Variants in MTHFD1L observed in about 807,000 individuals in gnomAD.
The protein encoded by MTHFD1L is monofunctional C1-tetrahydrofolate synthase, mitochondrial.
MTHFD1L carries 81 observed loss-of-function variants against 119.5 expected under a neutral mutation model. That is an observed-to-expected ratio of 0.68 (90% CI 0.57 to 0.82). The LOEUF (loss-of-function observed/expected upper bound fraction) is 0.82. Among genes scored for constraint, MTHFD1L ranks in the 40% least tolerant of loss-of-function variants. The probability of loss-of-function intolerance (pLI) is 0.00; values close to 1 mark genes in which losing one functional copy is unlikely to be tolerated. For missense variants in MTHFD1L, 1,125 were observed against 1,253.4 expected (o/e 0.90, Z 1.55); for synonymous variants, 430 against 475.2 (o/e 0.90, Z 1.24).
intron 21 of MTHFD1L, among the ~76,000 whole-genome samples, chr6:151,013,319 G>A (rs763777974): frequency 9.9e-5 from 15 of 152,192 alleles, no homozygotes; most frequent in South Asian, 4.1e-4. Flanking sequence ...GTTTGAGACC[G>A]CAGTGAGCTG....
chr6:150,941,156 C>T (rs904473191), intron 13 of MTHFD1L, among the ~76,000 whole-genome samples: 16 of 152,166 alleles, frequency 1.1e-4, no homozygotes, highest in Admixed American at 5.9e-4. Context: ...GGGAAGGAGC[C>T]GGCCTTGTGA....
At chr6:151,025,989 T>C (rs1784565282) in intron 24 of MTHFD1L, among the ~76,000 whole-genome samples, 1 of 152,234 alleles carries the variant, frequency 6.6e-6, no homozygotes, top group Admixed American at 6.5e-5. Flanking sequence ...ACAGTTCATT[T>C]TTAAACTTTT....
intron 24 of MTHFD1L, among the ~76,000 whole-genome samples, chr6:151,022,745 TCTC>T (rs1456490560): frequency 6.6e-5 from 10 of 152,126 alleles, no homozygotes; most frequent in African/African-American, 2.4e-4. Flanking sequence ...CGCTCCCTCT[TCTC>T]CTGTTGTGCA....
chr6:151,071,283 A>G (rs1479846343), intron 26 of MTHFD1L, among the ~76,000 whole-genome samples: 1 of 152,156 alleles, frequency 6.6e-6, no homozygotes, highest in Admixed American at 6.6e-5. Flanking sequence ...CACCCTAATA[A>G]GCCGGGAGAT....
intron 11 of MTHFD1L, chr6:150,935,416 G>C: frequency 6.2e-7 from 1 of 1,613,896 alleles, no homozygotes; most frequent in Non-Finnish European, 8.5e-7. Context: ...TTGAGAAATT[G>C]TTAGCAATGG....
chr6:150,982,335 A>G (rs1777629616), intron 20 of MTHFD1L, among the ~76,000 whole-genome samples: 1 of 152,160 alleles, frequency 6.6e-6, no homozygotes, highest in Non-Finnish European at 1.5e-5. Context: ...TTTGTGCAAC[A>G]TAACAGTTTT....
In MTHFD1L at chr6:151,039,809, G is replaced by A. The variant is rs569418608; in HGVS notation, c.2847+2692G>A. 6.6e-6 allele frequency among the ~76,000 whole-genome samples: 1 copy of A among 152,250 alleles called. No homozygotes were observed. The highest frequency in any genetic ancestry group is 1.9e-4 in the East Asian group (1 of 5,166). Reference sequence around the variant, plus strand: ...GGGCACCTATAATCCCAGCTGCTCAGGAGGCTGAGGCAGGAGAATCGCTTG... The same window carrying A: ...GGGCACCTATAATCCCAGCTGCTCAAGAGGCTGAGGCAGGAGAATCGCTTG... On this transcript the variant is annotated intron_variant, in intron 26 of 27. Transcript: ENST00000367321. This position sits in a 1 kb window ranked among gnomAD's most constrained non-coding sequence, Gnocchi z 4.4.
In MTHFD1L at chr6:150,885,475, C is replaced by T. The variant is rs962688999; in HGVS notation, c.543-159C>T. On this transcript the variant is annotated intron_variant, in intron 5 of 27. Coordinates refer to ENST00000367321, the MANE Select transcript of MTHFD1L (RefSeq NM_015440.5). Reference sequence around the variant, plus strand: ...CCTCCCAAAATGCTGGGATTACAGGCGTGAGCCACCATGCCTGGTCCTCTT... The same window carrying T: ...CCTCCCAAAATGCTGGGATTACAGGTGTGAGCCACCATGCCTGGTCCTCTT... 4.6e-5 allele frequency among the ~76,000 whole-genome samples: 7 copies of T among 152,304 alleles called. No individual in the cohort carries two copies. In the South Asian group the frequency reaches 6.2e-4, roughly 14 times the overall value.
At chr6:151,019,110 C>T (rs1013598022) in intron 24 of MTHFD1L, among the ~76,000 whole-genome samples, 1 of 150,950 alleles carries the variant, frequency 6.6e-6, no homozygotes, top group African/African-American at 2.4e-5. Flanking sequence ...GTTCTTTGGT[C>T]CTGGGTAAGG....
In MTHFD1L at chr6:150,865,848, T is replaced by G; in HGVS notation, c.26T>G (p.Leu9Arg). 8.1e-7 allele frequency: 1 copy of G among 1,242,236 alleles called. No homozygotes were observed. Among genetic ancestry groups the G allele is most frequent in the Non-Finnish European group, 1.0e-6 (1 of 987,108 alleles). 77.0% of individuals were successfully genotyped at this position (1,242,236 alleles called of 1,614,324 possible). A position where few individuals can be genotyped will look rare whatever the true frequency, so the allele number is the denominator to read the frequency against. Residue 9 changes from leucine (L) to arginine (R), a missense_variant, in exon 1 of 28, where the codon CTG (leucine) becomes CGG (arginine). Leu to Arg is a moderately radical substitution (Grantham distance 102). Coordinates refer to ENST00000367321, the MANE Select transcript of MTHFD1L (RefSeq NM_015440.5). Reference protein sequence around the residue: MGTRLPLVLRQLRRPPQPP... With the variant: MGTRLPLVRRQLRRPPQPP... Reference sequence around the variant, plus strand: ...ATGGGCACGCGTCTGCCGCTCGTCCTGCGCCAGCTCCGCCGCCCGCCCCAG... The same window carrying G: ...ATGGGCACGCGTCTGCCGCTCGTCCGGCGCCAGCTCCGCCGCCCGCCCCAG...
At chr6:151,099,819 G>A in intron 27 of MTHFD1L, 1 of 1,603,660 alleles carries the variant, frequency 6.2e-7, no homozygotes, top group South Asian at 1.1e-5. Context: ...CTTGTGCCGA[G>A]ATCGCTCACA....
chr6:150,938,591 G>C, intron 12 of MTHFD1L, 108 bp from the exon 13 acceptor site: 2 of 1,114,224 alleles, frequency 1.8e-6, no homozygotes, highest in Non-Finnish European at 2.7e-6. Flanking sequence ...TTCATCTTGG[G>C]TGTGACGCCT....
chr6:151,081,267 G>A (rs557354063), intron 26 of MTHFD1L, among the ~76,000 whole-genome samples: 3 of 152,120 alleles, frequency 2.0e-5, no homozygotes, highest in Non-Finnish European at 4.4e-5. Context: ...GTAGTGATGA[G>A]CACTGATGAG....
chr6:151,009,236 G>A (rs1044993195), intron 20 of MTHFD1L, among the ~76,000 whole-genome samples: 6 of 151,408 alleles, frequency 4.0e-5, no homozygotes, highest in African/African-American at 1.2e-4. Context: ...CCATCTGTAT[G>A]AAGAAAAGCT....
At chr6:150,868,415 C>A (rs555586707) in intron 1 of MTHFD1L, among the ~76,000 whole-genome samples, 1 of 150,672 alleles carries the variant, frequency 6.6e-6, no homozygotes, top group African/African-American at 2.4e-5. Context: ...TCTCGGCTCA[C>A]TGCAACCTCC....
chr6:151,081,517 A>T (rs12529998), intron 26 of MTHFD1L, among the ~76,000 whole-genome samples: 36,905 of 144,948 alleles, frequency 0.25, 4,771 homozygotes, highest in South Asian at 0.36. Context: ...AAAAAAAAAA[A>T]AAAAAATAGC....
chr6:150,878,224 A>C (rs189731941), intron 4 of MTHFD1L, among the ~76,000 whole-genome samples: 1 of 151,716 alleles, frequency 6.6e-6, no homozygotes, highest in Admixed American at 6.6e-5. Flanking sequence ...ATGGAATCTT[A>C]AATAATGTAC....
At chr6:151,054,181 GA>G (rs1354089578) in intron 26 of MTHFD1L, among the ~76,000 whole-genome samples, 3 of 152,054 alleles carry the variant, frequency 2.0e-5, no homozygotes, top group Non-Finnish European at 2.9e-5. Context: ...GCATAAATTG[GA>G]AACTTATATC....
At chr6:151,004,028 GA>G (rs1235072890) in intron 20 of MTHFD1L, among the ~76,000 whole-genome samples, 4 of 119,414 alleles carry the variant, frequency 3.3e-5, no homozygotes, top group African/African-American at 9.7e-5. Context: ...AAAAAAAAAA[GA>G]GAGAGAGAGA....
Sources: allele counts gnomAD v4.1 joint callset (sites outside exome capture counted in the v4.1 genomes callset), GRCh38; gene constraint gnomAD v4.1.1; non-coding constraint Gnocchi (gnomAD v3.1); transcripts MANE v1.5; gene names NCBI Gene and HGNC (gene_info 2026-07-23, HGNC 2026-07-21).